The following HMBOX1 variants were observed in gnomAD, a reference collection of about 807,000 sequenced individuals.
HMBOX1 encodes homeobox containing 1.
In HMBOX1, 14 loss-of-function variants were observed where a neutral mutation model predicts 54.5. The ratio of observed to expected loss-of-function variants is 0.26; its 90% confidence interval spans 0.17 to 0.40. HMBOX1 has a LOEUF of 0.40. Among genes scored for constraint, HMBOX1 ranks in the 10% least tolerant of loss-of-function variants. HMBOX1 has a pLI of 1.00. For synonymous variants in HMBOX1, 160 were observed against 181.0 expected (o/e 0.88, Z 0.93); for missense variants, 332 against 514.4 (o/e 0.65, Z 3.43).
chr8:28,970,217 C>G lies in HMBOX1; in HGVS notation c.198C>G (p.Ser66Arg). Reference protein sequence around the residue: ...EHSDKFGRRSSYGGSSYGNST... With the variant: ...EHSDKFGRRSRYGGSSYGNST... ...GTGACAAGTTTGGAAGAAGGTCCAGCTATGGAGGAAGTTCATATGGGAATA... is the reference window on the plus strand; with the variant it reads ...GTGACAAGTTTGGAAGAAGGTCCAGGTATGGAGGAAGTTCATATGGGAATA... The change falls in exon 3 of 10, where the codon AGC becomes AGG. Residue 66 changes from serine (S) to arginine (R), a missense_variant. Physicochemically the swap from Ser to Arg is moderately radical, Grantham distance 110. This residue lies in a region of HMBOX1 where 146 missense variants were observed against 173.3 expected (regional missense o/e 0.84). Coordinates refer to ENST00000287701, the MANE Select transcript of HMBOX1 (RefSeq NM_001135726.3). The surrounding 1 kb of genome is among the most constrained non-coding windows in gnomAD (Gnocchi z 4.3). 6.2e-7 allele frequency: 1 copy of G among 1,614,192 alleles called. No individual in the cohort carries two copies. The highest frequency in any genetic ancestry group is 8.5e-7 in the Non-Finnish European group (1 of 1,180,024).
chr8:28,963,077 C>T (rs1394428876), intron 1 of HMBOX1, among the ~76,000 whole-genome samples: 1 of 152,100 alleles, frequency 6.6e-6, no homozygotes, highest in Non-Finnish European at 1.5e-5. Context: ...CGCCGCCTCC[C>T]AGGTTCAAGT....
chr8:29,051,029 G>A lies in HMBOX1; in HGVS notation c.1137G>A (p.Thr379=), dbSNP rs757735489. 2.0e-5 allele frequency: 32 copies of A among 1,612,044 alleles called. No individual in the cohort carries two copies. Among genetic ancestry groups the A allele is most frequent in the Non-Finnish European group, 2.4e-5 (28 of 1,179,566 alleles). The part of the protein sequence containing the change: ...GNDYSEQDDS[T]SHSDHQDPIS... ...TTCTGCACATCTAGGATGACAGTAC[G>A]AGCCATAGTGACCACCAAGACCCCA... Residue 379 remains threonine, a synonymous_variant, in exon 10 of 10, where the codon ACG becomes ACA. Transcript: ENST00000287701.
chr8:28,923,192 C>G (rs1817838607), intron 1 of HMBOX1, among the ~76,000 whole-genome samples: 1 of 152,148 alleles, frequency 6.6e-6, no homozygotes, highest in South Asian at 2.1e-4. Flanking sequence ...CTCTCCTGCC[C>G]TCATCCCCTA....
At position 29,050,291 on chromosome 8, in the gene HMBOX1, G is replaced by T. The variant is rs1055362352; in HGVS notation, c.1126-727G>T. Reference sequence around the variant, plus strand: ...CCCCTTATTTGTAACACCATCTTCAGTGCCTGACGTACATCCTGCAATGCC... The same window carrying T: ...CCCCTTATTTGTAACACCATCTTCATTGCCTGACGTACATCCTGCAATGCC... On this transcript the variant is annotated intron_variant, in intron 9 of 9. Transcript: ENST00000287701. The T allele has an allele frequency of 4.7e-6, 4 of 848,664 alleles. No homozygotes were observed. The African/African-American group carries it at 5.5e-5, about 12-fold the overall frequency. 52.6% of individuals were successfully genotyped at this position (848,664 alleles called of 1,614,324 possible).
chr8:28,903,546 A>G lies in HMBOX1; in HGVS notation c.-58+12868A>G, dbSNP rs543145354. ...TTTTTTCCTTGCTCCAACCTCCTCA[A>G]TAATCCTGTGCTTCTGTCTTGATCT... is the stretch of plus-strand genomic sequence containing the variant. On this transcript the variant is annotated intron_variant, in intron 1 of 9. Coordinates refer to ENST00000287701, the MANE Select transcript of HMBOX1 (RefSeq NM_001135726.3). 5.3e-5 allele frequency among the ~76,000 whole-genome samples: 8 copies of G among 152,190 alleles called. No homozygotes were observed. The East Asian group carries it at 7.7e-4, about 15-fold the overall frequency.
At chr8:29,029,151 A>G (rs1383773222) in intron 6 of HMBOX1, among the ~76,000 whole-genome samples, 2 of 152,210 alleles carry the variant, frequency 1.3e-5, no homozygotes, top group Non-Finnish European at 2.9e-5. Flanking sequence ...TGCAAAAATA[A>G]TCATGTTTTT....
Position 29,045,412 on chromosome 8 carries a change from A to G in HMBOX1, c.903A>G (p.Ala301=). Residue 301 remains alanine, a synonymous_variant, in exon 7 of 10, where the codon GCA becomes GCG. Coordinates refer to ENST00000287701, the MANE Select transcript of HMBOX1 (RefSeq NM_001135726.3). ...ATGAAGCAAAGAGGGAAGAAATTGC[A>G]AACGCTTGCAATGCAGTTATACAGA... is the stretch of plus-strand genomic sequence containing the variant. ...YPDEAKREEI[A]NACNAVIQKP... The G allele has an allele frequency of 1.9e-6, 3 of 1,614,212 alleles. No homozygotes were observed. The highest frequency in any genetic ancestry group is 2.5e-6 in the Non-Finnish European group (3 of 1,180,014).
chr8:28,997,000 T>G (rs890518588), intron 4 of HMBOX1, among the ~76,000 whole-genome samples: 2 of 152,186 alleles, frequency 1.3e-5, no homozygotes, highest in African/African-American at 4.8e-5. Flanking sequence ...GGTGTGTGTG[T>G]GTGTGTGTTT....
At chr8:29,000,829 A>G (rs1400015298) in intron 4 of HMBOX1, among the ~76,000 whole-genome samples, 2 of 152,226 alleles carry the variant, frequency 1.3e-5, no homozygotes, top group African/African-American at 4.8e-5. Flanking sequence ...CTATAATGAT[A>G]GTGTGACAGG....
At chr8:29,048,382 A>G (rs1223407185) in intron 8 of HMBOX1, 1 of 152,262 alleles carries the variant, frequency 6.6e-6, no homozygotes, top group Non-Finnish European at 1.5e-5. Flanking sequence ...GGAACTACGA[A>G]TACAACTGAA....
chr8:28,971,087 T>C (rs1216817167), intron 3 of HMBOX1, among the ~76,000 whole-genome samples: 1 of 2,500 alleles, frequency 4.0e-4, no homozygotes, highest in African/African-American at 1.3e-3. Flanking sequence ...AGAAATCTAC[T>C]TTTTTTTTTT....
intron 1 of HMBOX1, among the ~76,000 whole-genome samples, chr8:28,952,475 C>T (rs936117373): frequency 6.6e-6 from 1 of 152,164 alleles, no homozygotes; most frequent in Non-Finnish European, 1.5e-5. Context: ...CTCAAGCCAT[C>T]CACCCGCCTG....
At chr8:28,930,990 A>G (rs1819385602) in intron 1 of HMBOX1, among the ~76,000 whole-genome samples, 1 of 152,190 alleles carries the variant, frequency 6.6e-6, no homozygotes, top group Non-Finnish European at 1.5e-5. Context: ...ATTATATGAC[A>G]TGGTACTGAG....
chr8:28,935,033 A>G (rs1820157698), intron 1 of HMBOX1, among the ~76,000 whole-genome samples: 1 of 152,238 alleles, frequency 6.6e-6, no homozygotes, highest in Non-Finnish European at 1.5e-5. Flanking sequence ...TTATAGTGGC[A>G]TCAAAAAATG....
chr8:28,968,662 G>C (rs553291241), intron 2 of HMBOX1, among the ~76,000 whole-genome samples: 1 of 152,332 alleles, frequency 6.6e-6, no homozygotes, highest in South Asian at 2.1e-4. Flanking sequence ...GAAGGACAAA[G>C]AAACAGTGAG....
chr8:28,965,504 G>A (rs1461563046), intron 2 of HMBOX1, among the ~76,000 whole-genome samples: 2 of 152,224 alleles, frequency 1.3e-5, no homozygotes, highest in Non-Finnish European at 2.9e-5. Context: ...AGCTATTAAA[G>A]TGTCTTTGCT....
rs10554708 is a variant in HMBOX1, at chr8:28,970,981, GACACACACACACACACACACACACACAC to G, written c.500+484_500+511del. Among the ~76,000 whole-genome samples, 1 of 131,984 alleles carries G rather than the reference GACACACACACACACACACACACACACAC, an allele frequency of 7.6e-6. No individual in the cohort carries two copies. The highest frequency in any genetic ancestry group is 2.9e-5 in the African/African-American group (1 of 34,832). 86.6% of individuals were successfully genotyped at this position (131,984 alleles called of 152,430 possible). A position where few individuals can be genotyped will look rare whatever the true frequency, so the allele number is the denominator to read the frequency against. On this transcript the variant is annotated intron_variant, in intron 3 of 9. Transcript: ENST00000287701. This position sits in a 1 kb window ranked among gnomAD's most constrained non-coding sequence, Gnocchi z 4.3. ...ATAGGTTCTAATTTTAGCAATAGAT[GACACACACACACACACACACACACACAC>G]ACACACACACACACACACACATTGT...
intron 3 of HMBOX1, among the ~76,000 whole-genome samples, chr8:28,972,462 A>G (rs1827590975): frequency 6.6e-6 from 1 of 152,186 alleles, no homozygotes; most frequent in East Asian, 1.9e-4. Flanking sequence ...ACCAAAGTTC[A>G]GGTGTTGCTT....
At position 29,018,956 on chromosome 8, in the gene HMBOX1, G is replaced by A. The variant is rs746104830; in HGVS notation, c.851+43G>A. 5 of 1,592,810 alleles carry A rather than the reference G, an allele frequency of 3.1e-6. No individual in the cohort carries two copies. In the East Asian group the frequency reaches 1.1e-4, roughly 36 times the overall value. On this transcript the variant is annotated intron_variant, in intron 6 of 9. Transcript: ENST00000287701. ...CTACGAATGATCTCCCAAACTTAGG[G>A]AAGACATCAACTCTGGATAGACTGG...
Sources: gnomAD v4.1 joint callset for allele counts (sites outside exome capture counted in the v4.1 genomes callset) on GRCh38, gnomAD v4.1.1 for gene constraint, gnomAD v4.1.1 regional missense constraint, Gnocchi (gnomAD v3.1) non-coding constraint, MANE v1.5 for transcripts, NCBI Gene and HGNC (gene_info 2026-07-23, HGNC 2026-07-21) for gene names.